Variants in TMEM272 observed in about 807,000 individuals in gnomAD.
The protein encoded by TMEM272 is long intergenic non-protein coding RNA 282.
TMEM272 carries 8 observed loss-of-function variants against 3.7 expected under a neutral mutation model. The ratio of observed to expected loss-of-function variants is 2.17; its 90% CI spans 1.27 to 3.91. TMEM272 has a LOEUF of 3.91. Ranked by LOEUF, TMEM272 falls within the 30% of genes most tolerant of loss-of-function variation. The pLI is 0.00. For synonymous variants in TMEM272, 63 were observed against 39.8 expected (o/e 1.58, Z -2.20); for missense variants, 166 against 91.5 (o/e 1.81, Z -3.32).
chr13:51,917,486 C>A, the TMEM272 span, among the ~76,000 whole-genome samples: 3 of 152,104 alleles, frequency 2.0e-5, no homozygotes. Context: ...CCACCCCTGC[C>A]CTGCTCACAT....
chr13:51,834,556 G>A (rs1255187725), intron 2 of TMEM272, among the ~76,000 whole-genome samples: 1 of 152,218 alleles, frequency 6.6e-6, no homozygotes, highest in Non-Finnish European at 1.5e-5. Flanking sequence ...GGCCAGAATT[G>A]TAGAATAAAA....
At chr13:51,873,657 A>G in the TMEM272 span, among the ~76,000 whole-genome samples, 3 of 152,148 alleles carry the variant, frequency 2.0e-5, no homozygotes, top group Non-Finnish European at 4.4e-5. Flanking sequence ...GTGTCACTAC[A>G]GTAATTGGGA....
the TMEM272 span, among the ~76,000 whole-genome samples, chr13:51,870,261 GT>G: frequency 2.0e-5 from 3 of 151,728 alleles, no homozygotes; most frequent in Non-Finnish European, 4.4e-5. Context: ...GGTTTTTTTT[GT>G]GTGTGTGACT....
intron 1 of TMEM272, among the ~76,000 whole-genome samples, chr13:51,843,744 G>A (rs897083968): frequency 1.3e-5 from 2 of 152,228 alleles, no homozygotes; most frequent in African/African-American, 4.8e-5. Flanking sequence ...ATAGGACTGT[G>A]TGTCTCACAC....
chr13:51,901,779 C>T, the TMEM272 span, among the ~76,000 whole-genome samples: 1 of 152,146 alleles, frequency 6.6e-6, no homozygotes, highest in Non-Finnish European at 1.5e-5. Context: ...CTCCCACAAA[C>T]ACGTAGCCTC....
upstream of TMEM272, among the ~76,000 whole-genome samples, chr13:51,847,635 TC>T (rs1956313374): frequency 6.6e-6 from 1 of 152,192 alleles, no homozygotes; most frequent in Non-Finnish European, 1.5e-5. Flanking sequence ...TTGAATCTTC[TC>T]TTATCTCACA....
the TMEM272 span, among the ~76,000 whole-genome samples, chr13:51,928,418 T>A: frequency 6.6e-6 from 1 of 152,226 alleles, no homozygotes; most frequent in Non-Finnish European, 1.5e-5. Context: ...CATACCCTCA[T>A]GGCAGTGCTG....
At chr13:51,865,362 G>T in the TMEM272 span, 1 of 1,561,300 alleles carries the variant, frequency 6.4e-7, no homozygotes, top group South Asian at 1.2e-5. Context: ...ACCTGGCCAA[G>T]GGTCCTGTCA....
the TMEM272 span, chr13:51,908,286 C>A: frequency 9.3e-7 from 1 of 1,072,504 alleles, no homozygotes; most frequent in Non-Finnish European, 1.4e-6. Context: ...AAAGGGAACT[C>A]ACTCTATCTT....
chr13:51,865,837 CAAGGCCCTGTGGGAGGAAGAA>C, the TMEM272 span: 7 of 1,613,954 alleles, frequency 4.3e-6, no homozygotes, highest in East Asian at 6.7e-5. Context: ...TTCAGGAGGA[CAAGGCCCTGTGGGAGGAAGAA>C]AAGGCCCTGT....
the TMEM272 span, among the ~76,000 whole-genome samples, chr13:51,893,482 T>C: frequency 6.6e-6 from 1 of 152,178 alleles, no homozygotes; most frequent in Non-Finnish European, 1.5e-5. Context: ...TCAGAATCAC[T>C]GTGGTCCTGA....
chr13:51,833,069 G>C (rs1484410442), intron 2 of TMEM272, among the ~76,000 whole-genome samples: 1 of 152,142 alleles, frequency 6.6e-6, no homozygotes, highest in Admixed American at 6.6e-5. Context: ...GGTGTTGATG[G>C]ATGGGTAGGA....
chr13:51,860,154 G>C, the TMEM272 span, among the ~76,000 whole-genome samples: 4 of 152,030 alleles, frequency 2.6e-5, no homozygotes, highest in Non-Finnish European at 5.9e-5. Flanking sequence ...CTCCCTCCTC[G>C]GCCTCCCAAA....
rs1955994402 is a variant in TMEM272 at position 51,814,164 on chromosome 13, C to T, written c.*2587G>A. On this transcript the variant is annotated 3_prime_UTR_variant, in exon 5 of 5. Coordinates refer to ENST00000629372, the MANE Select transcript of TMEM272 (RefSeq NM_001351003.2). ...GTGAAATTATACTAAGAGGTGATCA[C>T]TTAAAGGGCACGCAGCTCAGCCCTT... The T allele has an allele frequency of 6.6e-6, 1 of 152,264 alleles. No individual in the cohort carries two copies. The highest frequency in any genetic ancestry group is 1.5e-5 in the Non-Finnish European group (1 of 68,068). 9.4% of individuals were successfully genotyped at this position (152,264 alleles called of 1,614,324 possible).
chr13:51,891,556 G>A, the TMEM272 span, among the ~76,000 whole-genome samples: 1 of 152,330 alleles, frequency 6.6e-6, no homozygotes, highest in South Asian at 2.1e-4. Context: ...ATGAGCCCAG[G>A]CTGGGGGAGG....
chr13:51,828,649 T>C (rs1032406850), intron 2 of TMEM272, among the ~76,000 whole-genome samples: 3 of 152,218 alleles, frequency 2.0e-5, no homozygotes, highest in Non-Finnish European at 4.4e-5. Flanking sequence ...CGCTCTTCTG[T>C]TGCCATCTTG....
intron 4 of TMEM272, among the ~76,000 whole-genome samples, chr13:51,820,348 C>G (rs1373010510): frequency 6.6e-6 from 1 of 152,202 alleles, no homozygotes; most frequent in African/African-American, 2.4e-5. Flanking sequence ...CCATCATTAT[C>G]ACAGGCAAAC....
At chr13:51,915,000 A>T in the TMEM272 span, among the ~76,000 whole-genome samples, 1 of 152,270 alleles carries the variant, frequency 6.6e-6, no homozygotes, top group African/African-American at 2.4e-5. Flanking sequence ...ATATAAAATT[A>T]CAAATACAAA....
the TMEM272 span, among the ~76,000 whole-genome samples, chr13:51,879,257 C>T: frequency 2.6e-5 from 4 of 152,324 alleles, no homozygotes; most frequent in South Asian, 8.3e-4. Context: ...CTCTTTACAG[C>T]ATGCCAGTTT....
Sources: gnomAD v4.1 joint callset for allele counts (sites outside exome capture counted in the v4.1 genomes callset) on GRCh38, gnomAD v4.1.1 for gene constraint, MANE v1.5 for transcripts, NCBI Gene and HGNC (gene_info 2026-07-23, HGNC 2026-07-21) for gene names.